DRD3: variants seen among roughly 807,000 people sequenced by gnomAD.
DRD3 encodes D(3) dopamine receptor.
Under a neutral mutation model 36.3 loss-of-function variants are expected in DRD3, and 19 were observed. The ratio of observed to expected loss-of-function variants is 0.52; its 90% CI spans 0.36 to 0.77. The LOEUF (loss-of-function observed/expected upper bound fraction) is 0.77. DRD3 is among the 30% of genes least tolerant of loss of function. DRD3 has a pLI of 0.00. For synonymous variants in DRD3, 195 were observed against 203.7 expected (o/e 0.96, Z 0.36); for missense variants, 465 against 505.3 (o/e 0.92, Z 0.77).
At chr3:114,146,782 A>G (rs2107846273) in intron 4 of DRD3, among the ~76,000 whole-genome samples, 1 of 152,194 alleles carries the variant, frequency 6.6e-6, no homozygotes, top group South Asian at 2.1e-4. Context: ...GAAGGCACTG[A>G]TTCATCTGAG....
At chr3:114,166,567 G>A (rs2077787088) in intron 2 of DRD3, among the ~76,000 whole-genome samples, 3 of 152,160 alleles carry the variant, frequency 2.0e-5, no homozygotes. Flanking sequence ...TTCCCAGATG[G>A]AGGCCTCTTG....
At chr3:114,129,031 A>G (rs1577575087) in intron 6 of DRD3, 119 bp from the exon 7 acceptor site, 1 of 1,110,174 alleles carries the variant, frequency 9.0e-7, no homozygotes, top group South Asian at 1.8e-5. Flanking sequence ...AGTTTTGCAT[A>G]CCCACTTACT....
intron 3 of DRD3, among the ~76,000 whole-genome samples, chr3:114,156,899 T>C (rs28722085): frequency 6.7e-6 from 1 of 149,408 alleles, no homozygotes; most frequent in Non-Finnish European, 1.5e-5. Context: ...TCTTCTCTTT[T>C]CTTCCTTCCT....
chr3:114,159,301 A>C (rs2077710426), intron 3 of DRD3, among the ~76,000 whole-genome samples: 1 of 151,432 alleles, frequency 6.6e-6, no homozygotes, highest in Non-Finnish European at 1.5e-5. Context: ...CCCCTCAAAA[A>C]TTATCCCTAC....
At chr3:114,181,513 A>G (rs1054240459), upstream of DRD3, among the ~76,000 whole-genome samples, 8 of 152,228 alleles carry the variant, frequency 5.3e-5, no homozygotes, top group Admixed American at 1.3e-4. Context: ...GCATTGAGAT[A>G]TGCCTTCTGG....
intron 1 of DRD3, among the ~76,000 whole-genome samples, chr3:114,188,357 G>A (rs1232643481): frequency 4.0e-5 from 6 of 151,884 alleles, no homozygotes; most frequent in South Asian, 2.1e-4. Flanking sequence ...GACTACGGGC[G>A]TGTGCCACAA....
intron 5 of DRD3, among the ~76,000 whole-genome samples, chr3:114,136,457 A>G (rs1035312669): frequency 6.6e-6 from 1 of 152,150 alleles, no homozygotes; most frequent in Non-Finnish European, 1.5e-5. Context: ...CCCAGATGGC[A>G]GGACAGAACC....
At chr3:114,137,641 A>G (rs2107835665) in intron 5 of DRD3, among the ~76,000 whole-genome samples, 1 of 152,220 alleles carries the variant, frequency 6.6e-6, no homozygotes, top group East Asian at 1.9e-4. Context: ...GAGGCCAGGC[A>G]TTATAGACCA....
At chr3:114,181,370 T>C (rs892492034), upstream of DRD3, among the ~76,000 whole-genome samples, 4 of 152,210 alleles carry the variant, frequency 2.6e-5, no homozygotes, top group Non-Finnish European at 5.9e-5. Flanking sequence ...GCAGGGTAAA[T>C]GAAGTGATCC....
At chr3:114,194,617 A>T (rs919066231) in intron 1 of DRD3, among the ~76,000 whole-genome samples, 3 of 152,166 alleles carry the variant, frequency 2.0e-5, no homozygotes, top group Admixed American at 2.0e-4. Context: ...TGTCCTCAAC[A>T]TCTCAAAGAT....
chr3:114,171,761 C>T lies in DRD3; in HGVS notation c.232G>A (p.Val78Met), dbSNP rs960115346. ...VVSLAVADLLVATLVMPWVVY... is the reference protein window; with the variant it reads ...VVSLAVADLLMATLVMPWVVY... ...ACCCAGGGCATCACCAAGGTGGCCA[C>T]CAGCAAGTCTGCCACAGCCAGGCTC... Residue 78 changes from valine to methionine, a missense_variant, in exon 2 of 7, where the codon GTG becomes ATG. Transcript: ENST00000383673. 3 of 1,612,146 alleles carry T rather than the reference C, an allele frequency of 1.9e-6. No homozygotes were observed. In the African/African-American group the frequency reaches 4.0e-5, roughly 22 times the overall value.
At chr3:114,155,053 T>C (rs1377912814) in intron 3 of DRD3, among the ~76,000 whole-genome samples, 4 of 152,234 alleles carry the variant, frequency 2.6e-5, no homozygotes, top group Non-Finnish European at 4.4e-5. Context: ...TATCATTTCC[T>C]TTTCTTTCAT....
chr3:114,131,104 C>A lies in DRD3; in HGVS notation c.1006+14G>T. 1 of 1,610,288 alleles carries A rather than the reference C, an allele frequency of 6.2e-7. No homozygotes were observed. The highest frequency in any genetic ancestry group is 8.5e-7 in the Non-Finnish European group (1 of 1,177,088). On this transcript the variant is annotated intron_variant, in intron 6 of 6. Transcript: ENST00000383673. ...TAACCCAACCCAACACAGCTCAAGC[C>A]AACCCAAACTTACCAAGCACAATGG...
chr3:114,183,891 C>T (rs1021879857), upstream of DRD3, among the ~76,000 whole-genome samples: 1 of 151,948 alleles, frequency 6.6e-6, no homozygotes, highest in Non-Finnish European at 1.5e-5. Context: ...GTATATCCAG[C>T]AATCATGTGT....
chr3:114,134,234 G>A (rs576509515), intron 5 of DRD3, among the ~76,000 whole-genome samples: 7 of 152,078 alleles, frequency 4.6e-5, no homozygotes, highest in South Asian at 2.1e-4. Context: ...GAATGCAAGC[G>A]GTCTTCAAGA....
At chr3:114,194,471 C>T (rs1392632031) in intron 1 of DRD3, among the ~76,000 whole-genome samples, 3 of 151,972 alleles carry the variant, frequency 2.0e-5, no homozygotes, top group African/African-American at 4.8e-5. Flanking sequence ...TTAGTAGAGA[C>T]GGGGTTTTAC....
Position 114,131,137 on chromosome 3 carries a change from T to C in DRD3, c.987A>G (p.Gln329=), listed in dbSNP as rs61735073. 3.3e-3 allele frequency: 5,348 copies of C among 1,613,948 alleles called. 83 individuals carry two copies. In the African/African-American group the frequency reaches 0.045, roughly 13 times the overall value. ...ACTTACCAAGCACAATGGCCACCAT[T>C]TGGGTTGCCTTCTTCTCCCGAAGTG... The part of the protein sequence containing the change: ...GVPLREKKAT[Q]MVAIVLGAFI... Residue 329 remains glutamine (Q), a synonymous_variant, in exon 6 of 7, where the codon CAA becomes CAG. Transcript: ENST00000383673.
intron 2 of DRD3, among the ~76,000 whole-genome samples, chr3:114,168,556 G>GCT (rs150328361): frequency 0.015 from 2,279 of 147,736 alleles, 50 homozygotes; most frequent in African/African-American, 0.044. Context: ...GAAAGTGCAT[G>GCT]CTCTCTCTCT....
intron 3 of DRD3, among the ~76,000 whole-genome samples, chr3:114,150,425 A>G (rs2077606412): frequency 6.6e-6 from 1 of 152,192 alleles, no homozygotes; most frequent in Non-Finnish European, 1.5e-5. Flanking sequence ...TCATGACTGA[A>G]TTTGCCTCGT....
Sources: gnomAD v4.1 joint callset for allele counts (sites outside exome capture counted in the v4.1 genomes callset) on GRCh38, gnomAD v4.1.1 for gene constraint, MANE v1.5 for transcripts, NCBI Gene and HGNC (gene_info 2026-07-23, HGNC 2026-07-21) for gene names.